DIP2C: variants seen among roughly 807,000 people sequenced by gnomAD.
The protein encoded by DIP2C is disco-interacting protein 2 homolog C.
DIP2C carries 33 observed loss-of-function variants against 192.4 expected under a neutral mutation model. The observed-to-expected ratio is 0.17, with a 90% CI of 0.13 to 0.23. DIP2C has a LOEUF of 0.23. Ranked by LOEUF, DIP2C falls within the 10% of genes least tolerant of loss-of-function variation. The pLI is 1.00. For synonymous variants in DIP2C, 979 were observed against 864.1 expected (o/e 1.13, Z -2.33); for missense variants, 1,537 against 2,110.1 (o/e 0.73, Z 5.32).
At chr10:416,406 C>CGG (rs1258365759) in intron 6 of DIP2C, among the ~76,000 whole-genome samples, 1 of 152,134 alleles carries the variant, frequency 6.6e-6, no homozygotes, top group Admixed American at 6.5e-5. Flanking sequence ...CCCACAGCCC[C>CGG]GGGCTCAGGT....
At chr10:679,756 C>T (rs1831064480) in intron 1 of DIP2C, among the ~76,000 whole-genome samples, 2 of 152,038 alleles carry the variant, frequency 1.3e-5, no homozygotes, top group East Asian at 3.9e-4. Flanking sequence ...CTCCCCATGC[C>T]CATGATCCCC....
intron 1 of DIP2C, among the ~76,000 whole-genome samples, chr10:550,727 G>T (rs1241428517): frequency 6.6e-6 from 1 of 152,116 alleles, no homozygotes; most frequent in Non-Finnish European, 1.5e-5. Flanking sequence ...CTCCCCCTAC[G>T]ATTTTGTGAA....
chr10:593,602 C>A (rs1167396398), intron 1 of DIP2C, among the ~76,000 whole-genome samples: 1 of 151,638 alleles, frequency 6.6e-6, no homozygotes, highest in Non-Finnish European at 1.5e-5. Context: ...TACTTCCCCC[C>A]AAAAGCTGGG....
At chr10:464,037 A>G (rs1970008068) in intron 3 of DIP2C, among the ~76,000 whole-genome samples, 1 of 152,228 alleles carries the variant, frequency 6.6e-6, no homozygotes. Flanking sequence ...AAAACCATAA[A>G]AACTCTACAA....
At chr10:548,667 G>A (rs1369192032) in intron 1 of DIP2C, among the ~76,000 whole-genome samples, 1 of 151,532 alleles carries the variant, frequency 6.6e-6, no homozygotes, top group Non-Finnish European at 1.5e-5. Context: ...TGTGGCCGGG[G>A]GAGGAGACAT....
chr10:422,252 A>G lies in DIP2C; in HGVS notation c.604+572T>C, dbSNP rs147877569. ...TCAAAGGCAGAGCGACGTGAGGCCC[A>G]TCACCGCTCCCCACGTGCCAGCTCT... On this transcript the variant is annotated intron_variant, in intron 5 of 36. Coordinates refer to ENST00000280886, the MANE Select transcript of DIP2C (RefSeq NM_014974.3). Among the ~76,000 whole-genome samples the G allele has an allele frequency of 1.9e-3, 293 of 152,330 alleles. 1 individual carries two copies. Among genetic ancestry groups the G allele is most frequent in the African/African-American group, 6.5e-3 (270 of 41,574 alleles).
intron 24 of DIP2C, 193 bp downstream of exon 24, chr10:356,233 T>A (rs1355634288): frequency 2.3e-5 from 16 of 683,736 alleles, no homozygotes; most frequent in East Asian, 1.4e-4. Context: ...CAAATAGGTG[T>A]AAATAACTGC....
chr10:427,946 GAT>G lies in DIP2C; in HGVS notation c.395-4915_395-4914del, dbSNP rs201366102. On this transcript the variant is annotated intron_variant, in intron 4 of 36. Coordinates refer to ENST00000280886, the MANE Select transcript of DIP2C (RefSeq NM_014974.3). ...AAAGGAAATTATACGTATACACAAA[GAT>G]ATGTACATAAACGTCGACAGCAGCA... Among the ~76,000 whole-genome samples the G allele has an allele frequency of 7.5e-3, 1,144 of 152,224 alleles. 10 individuals carry two copies. Among genetic ancestry groups the G allele is most frequent in the African/African-American group, 0.027 (1,106 of 41,518 alleles).
At chr10:366,202 C>T in intron 19 of DIP2C, 73 bp downstream of exon 19, 2 of 1,578,798 alleles carry the variant, frequency 1.3e-6, no homozygotes, top group Non-Finnish European at 1.7e-6. Flanking sequence ...ACGTCTATCA[C>T]TATGCACCTG....
chr10:443,186 G>A (rs978672525), intron 3 of DIP2C, among the ~76,000 whole-genome samples: 5 of 152,198 alleles, frequency 3.3e-5, no homozygotes, highest in Middle Eastern at 3.2e-3. Context: ...GTGACACTAT[G>A]TACATATTCT....
chr10:385,909 C>T (rs1564645515), intron 14 of DIP2C, among the ~76,000 whole-genome samples: 1 of 152,200 alleles, frequency 6.6e-6, no homozygotes, highest in Non-Finnish European at 1.5e-5. Flanking sequence ...GACTCCCCGC[C>T]ACTCTGCTGG....
At chr10:456,779 G>A (rs955197261) in intron 3 of DIP2C, among the ~76,000 whole-genome samples, 2 of 152,138 alleles carry the variant, frequency 1.3e-5, no homozygotes, top group African/African-American at 4.8e-5. Context: ...GACGATTTTT[G>A]TTCCACCGTT....
At chr10:446,333 G>A (rs1368347350) in intron 3 of DIP2C, among the ~76,000 whole-genome samples, 2 of 150,392 alleles carry the variant, frequency 1.3e-5, no homozygotes, top group Admixed American at 1.3e-4. Context: ...CTGGACATCG[G>A]TATACAACTG....
At chr10:388,553 G>C (rs954754532) in intron 13 of DIP2C, among the ~76,000 whole-genome samples, 3 of 152,198 alleles carry the variant, frequency 2.0e-5, no homozygotes, top group Non-Finnish European at 4.4e-5. Flanking sequence ...CCTTTTGAAA[G>C]TAGTGAAGTA....
chr10:338,507 T>C (rs926990267), intron 29 of DIP2C, among the ~76,000 whole-genome samples: 4 of 152,030 alleles, frequency 2.6e-5, no homozygotes, highest in African/African-American at 9.7e-5. Flanking sequence ...ACACGACCAC[T>C]TACCATCACG....
chr10:312,203 T>C (rs74315605), intron 31 of DIP2C, among the ~76,000 whole-genome samples: 8,017 of 152,174 alleles, frequency 0.053, 375 homozygotes, highest in African/African-American at 0.12. Context: ...AGACACCAAC[T>C]TCTGTTTTCT....
At chr10:390,974 C>G in intron 10 of DIP2C, 111 bp from the exon 11 acceptor site, 1 of 1,475,722 alleles carries the variant, frequency 6.8e-7, no homozygotes, top group Non-Finnish European at 9.1e-7. Context: ...GAACCAGGAT[C>G]CAACCCCCAG....
intron 1 of DIP2C, among the ~76,000 whole-genome samples, chr10:635,507 G>A (rs529757263): frequency 1.7e-4 from 26 of 152,370 alleles, no homozygotes; most frequent in African/African-American, 6.3e-4. Flanking sequence ...GGTCTCTGGG[G>A]CGTTGAGGGC....
intron 1 of DIP2C, among the ~76,000 whole-genome samples, chr10:492,578 C>G (rs1446726497): frequency 1.3e-5 from 2 of 152,222 alleles, no homozygotes; most frequent in Non-Finnish European, 2.9e-5. Context: ...GCCCCGCACT[C>G]TGGGCGACAG....
Sources: allele counts gnomAD v4.1 joint callset (sites outside exome capture counted in the v4.1 genomes callset), GRCh38; gene constraint gnomAD v4.1.1; transcripts MANE v1.5; gene names NCBI Gene and HGNC (gene_info 2026-07-23, HGNC 2026-07-21).